The following PLEKHA4 variants were observed in gnomAD, a reference collection of about 807,000 sequenced individuals.
PLEKHA4 encodes pleckstrin homology domain-containing family A member 4.
Under a neutral mutation model 94.7 loss-of-function variants are expected in PLEKHA4, and 73 were observed. The observed-to-expected ratio is 0.77, with a 90% CI of 0.64 to 0.94. PLEKHA4 has a LOEUF of 0.94. PLEKHA4 is among the 40% of genes least tolerant of loss of function. The pLI is 0.00. For missense variants in PLEKHA4, 1,049 were observed against 1,054.1 expected (o/e 1.00, Z 0.07); for synonymous variants, 449 against 437.1 (o/e 1.03, Z -0.34).
intron 18 of PLEKHA4, among the ~76,000 whole-genome samples, chr19:48,838,468 A>T (rs2035628682): frequency 1.3e-5 from 2 of 150,798 alleles, no homozygotes. Context: ...ATTAAAAAAA[A>T]AAAAAAAAAA....
At chr19:48,862,471 G>T (rs559617047) in intron 3 of PLEKHA4, among the ~76,000 whole-genome samples, 2 of 151,774 alleles carry the variant, frequency 1.3e-5, no homozygotes, top group South Asian at 2.1e-4. Context: ...AAAGTGCTGG[G>T]GTTACAGGCG....
chr19:48,852,037 G>T (rs1483076926), intron 13 of PLEKHA4, among the ~76,000 whole-genome samples, 191 bp downstream of exon 13: 1 of 151,892 alleles, frequency 6.6e-6, no homozygotes. Context: ...TTTAATGAGA[G>T]AATTTAAAAA....
intron 17 of PLEKHA4, among the ~76,000 whole-genome samples, chr19:48,840,804 A>G (rs2035732676): frequency 6.6e-6 from 1 of 152,166 alleles, no homozygotes. Context: ...CGTTCTTCCT[A>G]TTGAAAGGGC....
chr19:48,861,213 AC>A (rs1248995474), intron 5 of PLEKHA4, among the ~76,000 whole-genome samples, 187 bp downstream of exon 5: 1 of 152,200 alleles, frequency 6.6e-6, no homozygotes, highest in African/African-American at 2.4e-5. Context: ...GTCTCAAAAA[AC>A]AACAAAACAA....
chr19:48,860,849 GAGAA>G (rs1047232978), intron 5 of PLEKHA4, among the ~76,000 whole-genome samples: 110 of 143,244 alleles, frequency 7.7e-4, no homozygotes, highest in African/African-American at 2.7e-3. Context: ...AAGAGAGAGA[GAGAA>G]AAAAAAAGGA....
intron 12 of PLEKHA4, among the ~76,000 whole-genome samples, chr19:48,853,318 G>A (rs2036274071): frequency 6.6e-6 from 1 of 152,086 alleles, no homozygotes. Flanking sequence ...ATCACCTGAG[G>A]TTAGGAGTTC....
At position 48,861,629 on chromosome 19, in the gene PLEKHA4, A is replaced by G. The variant is rs781678154; in HGVS notation, c.256T>C (p.Tyr86His). ...CCAGCCAGCCACTGACCCTTGTAAT[A>G]AAAGAGGCAATGGCCGGAGAGGACG... ...WFVLSGHCLF[Y>H]YKDSREESVL... is the part of the protein sequence containing the mutation. Residue 86 changes from tyrosine (Y) to histidine (H), a missense_variant, in exon 4 of 20, where the codon TAT becomes CAT. Tyr to His is a moderately conservative substitution (Grantham distance 83). Transcript: ENST00000263265. The G allele has an allele frequency of 2.3e-5, 37 of 1,614,102 alleles. 1 individual carries two copies. The South Asian group carries it at 4.0e-4, about 17-fold the overall frequency.
chr19:48,849,960 C>T (rs913876416), intron 13 of PLEKHA4, among the ~76,000 whole-genome samples: 1 of 152,190 alleles, frequency 6.6e-6, no homozygotes, highest in Non-Finnish European at 1.5e-5. Context: ...TGCCTATAAT[C>T]CCAGCACTTT....
rs1205863451 is a variant in PLEKHA4 at position 48,838,157 on chromosome 19, G to A, written c.1965-28C>T. On this transcript the variant is annotated intron_variant, in intron 18 of 19. Transcript: ENST00000263265. ...AGAAAAAAAAAGAAGATTGGGGGTG[G>A]GGGTGTGTACATGGGGGAGAGGTGG... The A allele has an allele frequency of 2.8e-6, 4 of 1,441,742 alleles. No homozygotes were observed. In the South Asian group the frequency reaches 3.4e-5, roughly 12 times the overall value. 89.3% of individuals were successfully genotyped at this position (1,441,742 alleles called of 1,614,324 possible).
chr19:48,851,453 C>T (rs2036181529), intron 13 of PLEKHA4, among the ~76,000 whole-genome samples: 1 of 148,088 alleles, frequency 6.8e-6, no homozygotes, highest in Non-Finnish European at 1.5e-5. Flanking sequence ...CCCGTCTCTA[C>T]TAAAAATACA....
chr19:48,854,697 T>C (rs909847985), intron 9 of PLEKHA4, among the ~76,000 whole-genome samples: 2 of 56,140 alleles, frequency 3.6e-5, no homozygotes, highest in South Asian at 6.5e-4. Flanking sequence ...ATGCCTGGCC[T>C]TTTTTTTTTT....
chr19:48,864,433 G>A (rs1026548142), intron 3 of PLEKHA4, among the ~76,000 whole-genome samples: 2 of 152,054 alleles, frequency 1.3e-5, no homozygotes, highest in Non-Finnish European at 2.9e-5. Context: ...CTCCCAAAGC[G>A]TTTGAATTAC....
chr19:48,858,301 A>G (rs1386430836), intron 8 of PLEKHA4, among the ~76,000 whole-genome samples: 1 of 152,162 alleles, frequency 6.6e-6, no homozygotes, highest in Non-Finnish European at 1.5e-5. Context: ...CAGAGTATCC[A>G]GGACTACAAT....
chr19:48,861,480 A>G lies in PLEKHA4; in HGVS notation c.287T>C (p.Leu96Pro). Residue 96 changes from leucine to proline, a missense_variant, in exon 5 of 20, where the codon CTA becomes CCA. Coordinates refer to ENST00000263265, the MANE Select transcript of PLEKHA4 (RefSeq NM_020904.3). The stretch of plus-strand genomic sequence containing the variant: ...GTAGCTGGGGAGCAGGACGCTGCCT[A>G]GGACACTCTCCTCGCGGCTGTCTGC... ...YYKDSREESV[L>P]GSVLLPSYNI... The G allele has an allele frequency of 6.2e-7, 1 of 1,614,148 alleles. No individual in the cohort carries two copies. The highest frequency in any genetic ancestry group is 8.5e-7 in the Non-Finnish European group (1 of 1,180,042).
intron 16 of PLEKHA4, chr19:48,845,054 G>A: frequency 1.0e-5 from 2 of 190,986 alleles, no homozygotes; most frequent in Non-Finnish European, 2.2e-5. Flanking sequence ...ACAAAGTGCT[G>A]GGATTACAGG....
chr19:48,846,577 G>A (rs1243793985), intron 14 of PLEKHA4, among the ~76,000 whole-genome samples: 1 of 151,726 alleles, frequency 6.6e-6, no homozygotes, highest in East Asian at 1.9e-4. Flanking sequence ...GACCAGCCTA[G>A]GCAACATAGG....
intron 6 of PLEKHA4, 37 bp downstream of exon 6, chr19:48,860,313 G>A: frequency 6.5e-7 from 1 of 1,549,604 alleles, no homozygotes; most frequent in Non-Finnish European, 8.9e-7. Flanking sequence ...CTGACTCAGG[G>A]TGGAGGGTCA....
At chr19:48,854,999 C>A (rs951595662) in intron 9 of PLEKHA4, among the ~76,000 whole-genome samples, 3 of 151,988 alleles carry the variant, frequency 2.0e-5, no homozygotes, top group Admixed American at 6.6e-5. Flanking sequence ...AACCACCAAG[C>A]CTAGCGACCC....
intron 3 of PLEKHA4, among the ~76,000 whole-genome samples, chr19:48,865,176 T>G (rs2036786394): frequency 6.6e-6 from 1 of 151,966 alleles, no homozygotes; most frequent in Non-Finnish European, 1.5e-5. Context: ...AAACCCCATC[T>G]CTACTAAAAA....
Sources: gnomAD v4.1 joint callset for allele counts (sites outside exome capture counted in the v4.1 genomes callset) on GRCh38, gnomAD v4.1.1 for gene constraint, MANE v1.5 for transcripts, NCBI Gene and HGNC (gene_info 2026-07-23, HGNC 2026-07-21) for gene names.